Variants in NPAS2 observed in about 807,000 individuals in gnomAD.
NPAS2 encodes neuronal PAS domain protein 2.
A neutral mutation model predicts 107.5 loss-of-function variants in NPAS2; 23 were observed. The observed-to-expected ratio is 0.21, with a 90% CI of 0.15 to 0.30. The LOEUF (loss-of-function observed/expected upper bound fraction) is 0.30, where lower values mean the gene tolerates loss of function less well. Ranked by LOEUF, NPAS2 falls within the 10% of genes least tolerant of loss-of-function variation. The pLI is 1.00. For missense variants in NPAS2, 756 were observed against 1,043.3 expected, an observed-to-expected ratio of 0.72 and a Z score of 3.79; for synonymous variants, 403 against 417.5, an observed-to-expected ratio of 0.97 and a Z score of 0.42.
chr2:100,937,474 T>G (rs1354061709), intron 4 of NPAS2, among the ~76,000 whole-genome samples: 1 of 152,182 alleles, frequency 6.6e-6, no homozygotes, highest in Non-Finnish European at 1.5e-5. Flanking sequence ...TAAACCTACT[T>G]AGGGAATTTC....
At chr2:100,855,340 G>C (rs1483339987) in intron 1 of NPAS2, among the ~76,000 whole-genome samples, 1 of 152,140 alleles carries the variant, frequency 6.6e-6, no homozygotes. Flanking sequence ...CTCCTAACTT[G>C]CTTAGCCTGT....
At chr2:100,924,602 G>A (rs1330650149) in intron 2 of NPAS2, among the ~76,000 whole-genome samples, 1 of 152,186 alleles carries the variant, frequency 6.6e-6, no homozygotes, top group Admixed American at 6.5e-5. Context: ...TCATACCTCT[G>A]CCCTGGGTCT....
intron 1 of NPAS2, among the ~76,000 whole-genome samples, chr2:100,888,243 A>G (rs1338947771): frequency 1.3e-5 from 2 of 152,304 alleles, no homozygotes; most frequent in South Asian, 2.1e-4. Context: ...AAGCCCTAAG[A>G]ACATCAGCCA....
At chr2:100,891,661 TCTG>T (rs1163741784) in intron 1 of NPAS2, among the ~76,000 whole-genome samples, 3 of 152,230 alleles carry the variant, frequency 2.0e-5, no homozygotes, top group African/African-American at 7.2e-5. Flanking sequence ...CCAAACTAAT[TCTG>T]CTGCCTCAAT....
At position 100,915,801 on chromosome 2, in the gene NPAS2, A is replaced by AG. The variant is rs781256007; in HGVS notation, c.33-9344dup. Among the ~76,000 whole-genome samples, 12 of 152,322 alleles carry AG rather than the reference A, an allele frequency of 7.9e-5. No individual in the cohort carries two copies. In the East Asian group the frequency reaches 2.1e-3, roughly 27 times the overall value. On this transcript the variant is annotated intron_variant, in intron 2 of 20. Transcript: ENST00000335681. ...AGAGAATTACTAAAGGAAGTTTTTC[A>AG]GCAGAAAGGAAATGACACTAGATAG...
chr2:100,992,308 A>T (rs55752012), intron 19 of NPAS2, among the ~76,000 whole-genome samples: 15,148 of 152,256 alleles, frequency 0.099, 922 homozygotes, highest in Non-Finnish European at 0.14. Flanking sequence ...CCAGCTACTC[A>T]GGAGGCTGAG....
At chr2:100,903,909 G>A (rs757248019) in intron 1 of NPAS2, among the ~76,000 whole-genome samples, 3 of 152,284 alleles carry the variant, frequency 2.0e-5, no homozygotes, top group African/African-American at 7.2e-5. Context: ...CCAGGCCTGC[G>A]TGTGGTAGGA....
At chr2:100,945,833 C>T (rs1236041862) in intron 5 of NPAS2, among the ~76,000 whole-genome samples, 2 of 152,230 alleles carry the variant, frequency 1.3e-5, no homozygotes, top group South Asian at 2.1e-4. Flanking sequence ...CCAGGAGTCT[C>T]CTCTACCCTT....
intron 2 of NPAS2, among the ~76,000 whole-genome samples, chr2:100,906,175 A>G (rs920085): frequency 0.63 from 96,151 of 152,138 alleles, 31,199 homozygotes; most frequent in Non-Finnish European, 0.72. Context: ...TGAAGTGACA[A>G]GCCCTTTACT....
rs1198689258 is a variant in NPAS2 at position 100,925,130 on chromosome 2, C to T, written c.33-16C>T. ...ACGTGGAATGTTCCAGTAACCTGCT[C>T]GTTTTGTGTTTACAGAGCTTCTCGA... is the stretch of plus-strand genomic sequence containing the variant. On this transcript the variant is annotated splice_polypyrimidine_tract_variant and intron_variant, in intron 2 of 20. Transcript: ENST00000335681. 7 of 1,600,734 alleles carry T rather than the reference C, an allele frequency of 4.4e-6. No individual in the cohort carries two copies. The highest frequency in any genetic ancestry group is 2.2e-5 in the East Asian group (1 of 44,600).
intron 7 of NPAS2, among the ~76,000 whole-genome samples, chr2:100,959,224 C>T (rs1016372049): frequency 6.6e-6 from 1 of 151,720 alleles, no homozygotes; most frequent in Non-Finnish European, 1.5e-5. Flanking sequence ...GAGCCAAGAT[C>T]GCACCACTGT....
chr2:100,899,415 G>A (rs1460117459), intron 1 of NPAS2, among the ~76,000 whole-genome samples: 1 of 151,970 alleles, frequency 6.6e-6, no homozygotes, highest in Non-Finnish European at 1.5e-5. Context: ...TAGAGATGGG[G>A]TTTCACCGTG....
chr2:100,958,929 C>T (rs144341689), intron 7 of NPAS2, among the ~76,000 whole-genome samples: 1 of 152,014 alleles, frequency 6.6e-6, no homozygotes, highest in East Asian at 1.9e-4. Flanking sequence ...TTGAGTAAGA[C>T]ATGTAGTTTC....
At chr2:100,942,938 G>C (rs10172061) in intron 5 of NPAS2, among the ~76,000 whole-genome samples, 2,395 of 152,252 alleles carry the variant, frequency 0.016, 58 homozygotes, top group African/African-American at 0.054. Context: ...TCTTATTGCT[G>C]GGTGTGTTCC....
Position 100,911,637 on chromosome 2 carries a change from A to AT in NPAS2, c.32+6863dup, listed in dbSNP as rs538280270. 5.0e-3 allele frequency among the ~76,000 whole-genome samples: 706 copies of AT among 141,432 alleles called. 7 individuals are homozygous for AT. The highest frequency in any genetic ancestry group is 0.012 in the African/African-American group (475 of 38,468). The allele number at this position is 141,432 out of a possible 152,430, so 92.8% of individuals were successfully genotyped here. ...AGCCTTTCTTATACATTTCCATTCA[A>AT]TTTTTTTTTTTTGAGACAGAGTCTA... On this transcript the variant is annotated intron_variant, in intron 2 of 20. Coordinates refer to ENST00000335681, the MANE Select transcript of NPAS2 (RefSeq NM_002518.4).
intron 1 of NPAS2, among the ~76,000 whole-genome samples, chr2:100,840,601 C>T (rs1677339001): frequency 7.3e-6 from 1 of 136,890 alleles, no homozygotes; most frequent in African/African-American, 2.7e-5. Flanking sequence ...TCCACAGCCC[C>T]CATTTTTTTT....
intron 1 of NPAS2, among the ~76,000 whole-genome samples, chr2:100,842,081 G>GCGCGCACACACACACA: frequency 8.7e-5 from 13 of 148,902 alleles, no homozygotes; most frequent in African/African-American, 2.9e-4. Context: ...GCATGTACGC[G>GCGCGCACACACACACA]CACACACACA....
intron 1 of NPAS2, among the ~76,000 whole-genome samples, chr2:100,888,812 C>T (rs562987366): frequency 5.9e-5 from 9 of 152,206 alleles, no homozygotes; most frequent in East Asian, 3.9e-4. Flanking sequence ...CTGACTCAGG[C>T]GGACATGTCT....
At chr2:100,972,404 T>G (rs1389192556) in intron 12 of NPAS2, among the ~76,000 whole-genome samples, 2 of 152,234 alleles carry the variant, frequency 1.3e-5, no homozygotes, top group Non-Finnish European at 2.9e-5. Context: ...GAAGCTCAAC[T>G]TCCAGGGTGC....
Sources: allele counts gnomAD v4.1 joint callset (sites outside exome capture counted in the v4.1 genomes callset), GRCh38; gene constraint gnomAD v4.1.1; transcripts MANE v1.5; gene names NCBI Gene and HGNC (gene_info 2026-07-23, HGNC 2026-07-21).